Variants in PLCH1 observed in about 807,000 individuals in gnomAD.
The protein encoded by PLCH1 is 1-phosphatidylinositol 4,5-bisphosphate phosphodiesterase eta-1.
A neutral mutation model predicts 126.7 loss-of-function variants in PLCH1; 60 were observed. That is an observed-to-expected ratio of 0.47 (90% confidence interval 0.38 to 0.59). The LOEUF (loss-of-function observed/expected upper bound fraction) is 0.59, where lower values mean the gene tolerates loss of function less well. PLCH1 is among the 20% of genes least tolerant of loss of function. PLCH1 has a pLI of 0.00. For synonymous variants in PLCH1, 719 were observed against 734.9 expected (o/e 0.98, Z 0.35); for missense variants, 1,723 against 2,040.0 (o/e 0.84, Z 2.99).
chr3:155,517,826 G>T (rs1291063867), intron 11 of PLCH1, among the ~76,000 whole-genome samples: 2 of 152,168 alleles, frequency 1.3e-5, no homozygotes, highest in African/African-American at 4.8e-5. Flanking sequence ...AGAGTAGGGG[G>T]ACAGCATTTC....
chr3:155,506,772 T>C, intron 12 of PLCH1, among the ~76,000 whole-genome samples: 1 of 141,962 alleles, frequency 7.0e-6, no homozygotes, highest in Admixed American at 7.1e-5. Flanking sequence ...TTTGGGTTGG[T>C]TCCAAGTCTT....
At chr3:155,697,138 T>C (rs1347633160) in intron 2 of PLCH1, among the ~76,000 whole-genome samples, 1 of 152,222 alleles carries the variant, frequency 6.6e-6, no homozygotes, top group African/African-American at 2.4e-5. Context: ...CGATGAGGAA[T>C]AGAGGCTGAT....
chr3:155,454,821 C>T (rs1667476211), intron 21 of PLCH1, among the ~76,000 whole-genome samples: 1 of 152,192 alleles, frequency 6.6e-6, no homozygotes, highest in African/African-American at 2.4e-5. Context: ...CTCTGCTATA[C>T]CTACAAGGTA....
At chr3:155,658,621 C>G (rs184264942) in intron 2 of PLCH1, 1 of 152,142 alleles carries the variant, frequency 6.6e-6, no homozygotes, top group East Asian at 1.9e-4. Flanking sequence ...AAATTTCTTA[C>G]CAAAAACCTA....
At chr3:155,616,313 G>A (rs1356274263) in intron 2 of PLCH1, among the ~76,000 whole-genome samples, 1 of 152,208 alleles carries the variant, frequency 6.6e-6, no homozygotes, top group Non-Finnish European at 1.5e-5. Context: ...GAAAGTTTAA[G>A]CAAGGTGTAG....
rs150481638 is a variant in PLCH1, at chr3:155,616,225, T to C, written c.80-19847A>G. ...TTTTAGTAGAAAGGTATGGAAATTA[T>C]AGTTTCTTCTAAGAGAAAGTAATTC... On this transcript the variant is annotated intron_variant, in intron 2 of 22. Coordinates refer to ENST00000460012, the MANE Select transcript of PLCH1 (RefSeq NM_014996.4). Among the ~76,000 whole-genome samples, 390 of 152,334 alleles carry C rather than the reference T, an allele frequency of 2.6e-3. 4 individuals carry two copies. The highest frequency in any genetic ancestry group is 8.9e-3 in the African/African-American group (369 of 41,594).
intron 2 of PLCH1, among the ~76,000 whole-genome samples, chr3:155,692,931 C>A (rs574690427): frequency 5.3e-5 from 8 of 152,064 alleles, no homozygotes; most frequent in African/African-American, 1.4e-4. Flanking sequence ...TACAGGCGCA[C>A]GCTGCCACGC....
At chr3:155,712,101 A>G (rs1362728859) in intron 1 of PLCH1, among the ~76,000 whole-genome samples, 2 of 152,208 alleles carry the variant, frequency 1.3e-5, no homozygotes, top group Non-Finnish European at 1.5e-5. Flanking sequence ...ACTTGCACCT[A>G]GAGTCCCAAC....
chr3:155,501,473 G>A (rs1717884944), intron 13 of PLCH1, among the ~76,000 whole-genome samples: 1 of 152,114 alleles, frequency 6.6e-6, no homozygotes, highest in African/African-American at 2.4e-5. Flanking sequence ...GATAGTCCCA[G>A]TATTTAGGCA....
rs2108008966 is a variant in PLCH1 at position 155,482,202 on chromosome 3, G to A, written c.3824C>T (p.Ser1275Phe). The part of the protein sequence containing the change: ...TVYETTCTPI[S>F]KTKPDDDLSS... ...AAGGTCATCATCTGGTTTGGTTTTA[G>A]AGATGGGAGTGCAGGTAGTTTCATA... Residue 1275 changes from serine (S) to phenylalanine (F), a missense_variant, in exon 23 of 23, where the codon TCT becomes TTT. Coordinates refer to ENST00000460012, the MANE Select transcript of PLCH1 (RefSeq NM_014996.4). 1 of 1,614,210 alleles carries A rather than the reference G, an allele frequency of 6.2e-7. No individual in the cohort carries two copies. The highest frequency in any genetic ancestry group is 2.2e-5 in the East Asian group (1 of 44,882).
At chr3:155,472,749 C>A (rs1270891240) in intron 21 of PLCH1, among the ~76,000 whole-genome samples, 1 of 150,084 alleles carries the variant, frequency 6.7e-6, no homozygotes, top group African/African-American at 2.4e-5. Context: ...TGGGCTTCAT[C>A]CCTGGGATGC....
chr3:155,678,814 C>A (rs149133299), intron 2 of PLCH1, among the ~76,000 whole-genome samples: 190 of 152,296 alleles, frequency 1.2e-3, no homozygotes, highest in African/African-American at 4.5e-3. Flanking sequence ...CAGTAGGTAC[C>A]TTATAGACCC....
intron 1 of PLCH1, among the ~76,000 whole-genome samples, chr3:155,711,050 C>T (rs1048420673): frequency 6.7e-6 from 1 of 150,276 alleles, no homozygotes; most frequent in Non-Finnish European, 1.5e-5. Flanking sequence ...TGTTGCAACC[C>T]TCTAGGTATA....
chr3:155,562,955 C>T (rs1727831072), intron 8 of PLCH1, among the ~76,000 whole-genome samples: 1 of 152,172 alleles, frequency 6.6e-6, no homozygotes, highest in Non-Finnish European at 1.5e-5. Flanking sequence ...ATATCACCAA[C>T]CTACATAGCA....
chr3:155,541,627 C>T (rs1256552007), intron 10 of PLCH1, among the ~76,000 whole-genome samples: 1 of 152,018 alleles, frequency 6.6e-6, no homozygotes, highest in Non-Finnish European at 1.5e-5. Flanking sequence ...CTCCCAAGAA[C>T]AATTGCAATA....
chr3:155,460,101 A>G (rs1044035005), intron 21 of PLCH1, among the ~76,000 whole-genome samples: 3 of 152,196 alleles, frequency 2.0e-5, no homozygotes, highest in African/African-American at 7.2e-5. Flanking sequence ...GATTTGTACA[A>G]TCAGAAATAA....
intron 1 of PLCH1, among the ~76,000 whole-genome samples, chr3:155,741,201 TGTGA>T (rs1749596152): frequency 1.3e-5 from 2 of 152,224 alleles, no homozygotes; most frequent in African/African-American, 2.4e-5. Flanking sequence ...GTCAAAGAGA[TGTGA>T]GTGAGTGTCC....
At chr3:155,715,175 A>C (rs1191890083) in intron 1 of PLCH1, among the ~76,000 whole-genome samples, 10 of 152,214 alleles carry the variant, frequency 6.6e-5, no homozygotes, top group Non-Finnish European at 1.5e-4. Flanking sequence ...TATTCTCTGA[A>C]TCCTGATATG....
intron 3 of PLCH1, among the ~76,000 whole-genome samples, chr3:155,594,942 T>A (rs1392359441): frequency 6.6e-6 from 1 of 152,168 alleles, no homozygotes; most frequent in Non-Finnish European, 1.5e-5. Context: ...TTTCTGACAA[T>A]CAAATAGCTG....
Sources: allele counts gnomAD v4.1 joint callset (sites outside exome capture counted in the v4.1 genomes callset), GRCh38; gene constraint gnomAD v4.1.1; transcripts MANE v1.5; gene names NCBI Gene and HGNC (gene_info 2026-07-23, HGNC 2026-07-21).